Variants in EDC4 observed in about 807,000 individuals in gnomAD.
EDC4 encodes enhancer of mRNA-decapping protein 4.
In EDC4, 64 loss-of-function variants were observed where a neutral mutation model predicts 155.8. The ratio of observed to expected loss-of-function variants is 0.41; its 90% CI spans 0.34 to 0.51. EDC4 has a LOEUF of 0.51. EDC4 is among the 20% of genes least tolerant of loss of function. The pLI is 0.19. For missense variants in EDC4, 1,303 were observed against 1,812.5 expected, an observed-to-expected ratio of 0.72 and a Z score of 5.10; for synonymous variants, 684 against 716.8, an observed-to-expected ratio of 0.95 and a Z score of 0.73.
At position 67,882,525 on chromosome 16, in the gene EDC4, G is replaced by T; in HGVS notation, c.3373G>T (p.Ala1125Ser). The T allele has an allele frequency of 6.2e-7, 1 of 1,614,218 alleles. No individual in the cohort carries two copies. Among genetic ancestry groups the T allele is most frequent in the Non-Finnish European group, 8.5e-7 (1 of 1,180,044 alleles). Reference protein sequence around the residue: ...REAFQSVVLPAFEKSCQAMFQ... With the variant: ...REAFQSVVLPSFEKSCQAMFQ... ...AGCCTTCCAGAGTGTGGTGCTGCCG[G>T]CCTTTGAGAAGAGCTGCCAGGCCAT... The change falls in exon 25 of 29, where the codon GCC becomes TCC. Residue 1125 changes from alanine (A) to serine (S), a missense_variant. Around this residue, in one of 5 missense-constraint regions of EDC4, gnomAD observed 527 missense variants for 757.0 expected, o/e 0.70. Transcript: ENST00000358933. The surrounding 1 kb of genome is among the most constrained non-coding windows in gnomAD (Gnocchi z 7.2).
Position 67,881,768 on chromosome 16 carries a change from G to T in EDC4, c.2927G>T (p.Cys976Phe). ...HSQEELLQRL[C>F]TQLEGLQSTV... ...CAGGAAGAGCTGCTGCAGCGTCTGT[G>T]TACCCAACTCGAAGGCCTGCAGAGC... Residue 976 changes from cysteine to phenylalanine, a missense_variant, in exon 22 of 29, where the codon TGT becomes TTT. This residue lies in a region of EDC4 where 527 missense variants were observed against 757.0 expected (regional missense o/e 0.70). Transcript: ENST00000358933. This position sits in a 1 kb window ranked among gnomAD's most constrained non-coding sequence, Gnocchi z 5.4. The T allele has an allele frequency of 1.2e-6, 2 of 1,614,130 alleles. No homozygotes were observed. Among genetic ancestry groups the T allele is most frequent in the Middle Eastern group, 1.6e-4 (1 of 6,062 alleles).
Position 67,881,965 on chromosome 16 carries a change from G to C in EDC4, c.3016G>C (p.Glu1006Gln), listed in dbSNP as rs1161397969. 2 of 1,607,810 alleles carry C rather than the reference G, an allele frequency of 1.2e-6. No homozygotes were observed. Among genetic ancestry groups the C allele is most frequent in the Non-Finnish European group, 1.7e-6 (2 of 1,176,994 alleles). ...TAGCTATGGCGCAGAGCGGCGGCTG[G>C]AGCGAGCACTGGCTGAGGGGCAGCA... The part of the protein sequence containing the change: ...TRHEQEQRRL[E>Q]RALAEGQQRG... The change falls in exon 23 of 29, where the codon GAG becomes CAG. Residue 1006 changes from glutamate to glutamine, a missense_variant. By Grantham distance (29) the Glu-to-Gln change is conservative. This residue lies in a region of EDC4 where 527 missense variants were observed against 757.0 expected (regional missense o/e 0.70). Transcript: ENST00000358933. The surrounding 1 kb of genome is among the most constrained non-coding windows in gnomAD (Gnocchi z 5.4).
In EDC4 at chr16:67,881,370, C is replaced by T. The variant is rs753091336; in HGVS notation, c.2742C>T (p.Ser914=). The change falls in exon 20 of 29, where the codon TCC becomes TCT. Residue 914 remains serine (S), a synonymous_variant. Coordinates refer to ENST00000358933, the MANE Select transcript of EDC4 (RefSeq NM_014329.5). This position sits in a 1 kb window ranked among gnomAD's most constrained non-coding sequence, Gnocchi z 5.4. ...LPAKDWKTKG[S]PRTSPKLKRK... Reference sequence around the variant, plus strand: ...CCAAGGACTGGAAGACCAAGGGATCCCCTCGAACCTCACCCAAGCTCAAGA... The same window carrying T: ...CCAAGGACTGGAAGACCAAGGGATCTCCTCGAACCTCACCCAAGCTCAAGA... 9.3e-6 allele frequency: 15 copies of T among 1,614,030 alleles called. No individual in the cohort carries two copies. In the Admixed American group the frequency reaches 2.5e-4, roughly 27 times the overall value.
rs749687253 is a variant in EDC4, at chr16:67,881,190, A to T, written c.2636+10A>T. 6.8e-6 allele frequency: 11 copies of T among 1,613,798 alleles called. No homozygotes were observed. The African/African-American group carries it at 1.1e-4, about 16-fold the overall frequency. Reference sequence around the variant, plus strand: ...CCAGTGCTGAGCAAAGGTGGGAGCCACTCTACACCATTGCCCTCATGGGGG... The same window carrying T: ...CCAGTGCTGAGCAAAGGTGGGAGCCTCTCTACACCATTGCCCTCATGGGGG... On this transcript the variant is annotated intron_variant, in intron 19 of 28. Coordinates refer to ENST00000358933, the MANE Select transcript of EDC4 (RefSeq NM_014329.5). This position sits in a 1 kb window ranked among gnomAD's most constrained non-coding sequence, Gnocchi z 5.4.
chr16:67,873,735 C>G (rs1021996071), intron 1 of EDC4, among the ~76,000 whole-genome samples: 1 of 152,156 alleles, frequency 6.6e-6, no homozygotes, highest in Non-Finnish European at 1.5e-5. Context: ...AAGCGCGATG[C>G]TGAAGAGCTG....
In EDC4 at chr16:67,882,271, C is replaced by T. The variant is rs756563640; in HGVS notation, c.3220C>T (p.Leu1074Phe). Residue 1074 changes from leucine (L) to phenylalanine (F), a missense_variant, in exon 24 of 29, where the codon CTC becomes TTC. By Grantham distance (22) the Leu-to-Phe change is conservative (BLOSUM62 0). This residue lies in a region of EDC4 where 527 missense variants were observed against 757.0 expected (regional missense o/e 0.70). Transcript: ENST00000358933. The surrounding 1 kb of genome is among the most constrained non-coding windows in gnomAD (Gnocchi z 7.2). ...GQLSNSVATK[L>F]TAVEGSMKEN... ...ACTGAGCAACTCAGTGGCTACCAAG[C>T]TCACAGCTGTGGAGGGCAGCATGAA... 1.7e-5 allele frequency: 27 copies of T among 1,613,272 alleles called. No individual in the cohort carries two copies. The highest frequency in any genetic ancestry group is 9.3e-5 in the African/African-American group (7 of 74,920).
At position 67,883,867 on chromosome 16, in the gene EDC4, G is replaced by C; in HGVS notation, c.4014-89G>C. ...CACCAGTCCTTTCTGCCTTCACCCA[G>C]AGGGTTCCCTCTGGGCCTCGGTGCC... On this transcript the variant is annotated intron_variant, in intron 28 of 28. Transcript: ENST00000358933. The surrounding 1 kb of genome is among the most constrained non-coding windows in gnomAD (Gnocchi z 5.3). The C allele has an allele frequency of 1.3e-6, 2 of 1,537,766 alleles. No individual in the cohort carries two copies. Among genetic ancestry groups the C allele is most frequent in the Non-Finnish European group, 1.8e-6 (2 of 1,137,946 alleles).
chr16:67,877,084 G>C lies in EDC4; in HGVS notation c.451+112G>C. On this transcript the variant is annotated intron_variant, in intron 4 of 28. Transcript: ENST00000358933. The surrounding 1 kb of genome is among the most constrained non-coding windows in gnomAD (Gnocchi z 4.9). Reference sequence around the variant, plus strand: ...GTACAATGGAAGGTTTGTCCATGCTGCCTCTTGGGGAGCTGGGTGGGAAAA... The same window carrying C: ...GTACAATGGAAGGTTTGTCCATGCTCCCTCTTGGGGAGCTGGGTGGGAAAA... 6.5e-7 allele frequency: 1 copy of C among 1,541,142 alleles called. No individual in the cohort carries two copies. The highest frequency in any genetic ancestry group is 8.8e-7 in the Non-Finnish European group (1 of 1,142,240).
In EDC4 at chr16:67,877,387, C is replaced by G; in HGVS notation, c.622C>G (p.Leu208Val). Residue 208 changes from leucine to valine, a missense_variant, in exon 5 of 29, where the codon CTG becomes GTG. Leu to Val is a conservative substitution (Grantham distance 32). Transcript: ENST00000358933. The surrounding 1 kb of genome is among the most constrained non-coding windows in gnomAD (Gnocchi z 4.9). ...AGNLFVWRLALVNGKIQEEIL... is the reference protein window; with the variant it reads ...AGNLFVWRLAVVNGKIQEEIL... The stretch of plus-strand genomic sequence containing the variant: ...CAACCTGTTCGTGTGGCGCTTGGCT[C>G]TGGTTAATGGCAAAATTCAGTATCC... 6.2e-7 allele frequency: 1 copy of G among 1,613,480 alleles called. No individual in the cohort carries two copies. The highest frequency in any genetic ancestry group is 1.1e-5 in the South Asian group (1 of 91,072).
Position 67,881,726 on chromosome 16 carries a change from C to CAGAGCTGCGGCACAGCCAGGA in EDC4, c.2894_2914dup (p.Arg965_Leu971dup). 6.2e-7 allele frequency: 1 copy of CAGAGCTGCGGCACAGCCAGGA among 1,614,064 alleles called. No homozygotes were observed. The highest frequency in any genetic ancestry group is 8.5e-7 in the Non-Finnish European group (1 of 1,179,980). On this transcript the variant is annotated inframe_insertion, in exon 22 of 29. Coordinates refer to ENST00000358933, the MANE Select transcript of EDC4 (RefSeq NM_014329.5). This position sits in a 1 kb window ranked among gnomAD's most constrained non-coding sequence, Gnocchi z 5.4. The stretch of plus-strand genomic sequence containing the variant: ...ATTTGGCAACAGCAGAGAGAGCTGG[C>CAGAGCTGCGGCACAGCCAGGA]AGAGCTGCGGCACAGCCAGGAAGAG...
At position 67,877,575 on chromosome 16, in the gene EDC4, C is replaced by G. The variant is rs2058047075; in HGVS notation, c.708C>G (p.Ile236Met). 6.2e-7 allele frequency: 1 copy of G among 1,614,216 alleles called. No homozygotes were observed. The highest frequency in any genetic ancestry group is 2.2e-5 in the East Asian group (1 of 44,878). ...GTPLNHFRRI[I>M]WCPFIPEESE... Reference sequence around the variant, plus strand: ...CACTGAACCACTTTCGCAGGATCATCTGGTGCCCCTTCATCCCTGAGGAGA... The same window carrying G: ...CACTGAACCACTTTCGCAGGATCATGTGGTGCCCCTTCATCCCTGAGGAGA... Residue 236 changes from isoleucine to methionine, a missense_variant, in exon 6 of 29, where the codon ATC (isoleucine) becomes ATG (methionine). By Grantham distance (10) the Ile-to-Met change is conservative (BLOSUM62 1). Coordinates refer to ENST00000358933, the MANE Select transcript of EDC4 (RefSeq NM_014329.5). This position sits in a 1 kb window ranked among gnomAD's most constrained non-coding sequence, Gnocchi z 4.9.
Position 67,876,971 on chromosome 16 carries a change from G to A in EDC4, c.450G>A (p.Arg150=), listed in dbSNP as rs765820815. 9 of 1,614,064 alleles carry A rather than the reference G, an allele frequency of 5.6e-6. No homozygotes were observed. The Admixed American group carries it at 1.5e-4, about 27-fold the overall frequency. The change falls in exon 4 of 29, where the codon CGG becomes CGA. Residue 150 remains arginine (R), a splice_region_variant and synonymous_variant. Coordinates refer to ENST00000358933, the MANE Select transcript of EDC4 (RefSeq NM_014329.5). The surrounding 1 kb of genome is among the most constrained non-coding windows in gnomAD (Gnocchi z 5.8). ...VSNSFLAYAI[R]AANNGSAMVR... ...ACTCCTTCTTGGCCTATGCCATTCG[G>A]GGTGAGTAAAGACAGTGAGGAGGAA...
Position 67,873,203 on chromosome 16 carries a change from G to A in EDC4, c.-59G>A. 3 of 1,270,330 alleles carry A rather than the reference G, an allele frequency of 2.4e-6. No homozygotes were observed. The highest frequency in any genetic ancestry group is 2.0e-6 in the Non-Finnish European group (2 of 980,818). The allele number at this position is 1,270,330 out of a possible 1,614,324, so 78.7% of individuals were successfully genotyped here. A position where few individuals can be genotyped will look rare whatever the true frequency, so the allele number is the denominator to read the frequency against. On this transcript the variant is annotated 5_prime_UTR_variant, in exon 1 of 29. The change creates a new upstream start codon in the 5' untranslated region. Coordinates refer to ENST00000358933, the MANE Select transcript of EDC4 (RefSeq NM_014329.5). ...CCCCGTGGCGGGTGAGCGAGGGTGCGTGGTGCGCGGCGGCGGCGGAACGAA... is the reference window on the plus strand; with the variant it reads ...CCCCGTGGCGGGTGAGCGAGGGTGCATGGTGCGCGGCGGCGGCGGAACGAA...
In EDC4 at chr16:67,884,120, A is replaced by C; in HGVS notation, c.4178A>C (p.His1393Pro). 1 of 1,612,420 alleles carries C rather than the reference A, an allele frequency of 6.2e-7. No individual in the cohort carries two copies. Among genetic ancestry groups the C allele is most frequent in the Non-Finnish European group, 8.5e-7 (1 of 1,178,932 alleles). ...KAARRLSLML[H>P]GLVTPSLP ...GCTCGGCGTCTCAGCCTCATGCTGC[A>C]TGGCCTCGTGACCCCCAGCCTCCCT... The change falls in exon 29 of 29, where the codon CAT becomes CCT. Residue 1393 changes from histidine (H) to proline (P), a missense_variant. Around this residue, in one of 5 missense-constraint regions of EDC4, gnomAD observed 527 missense variants for 757.0 expected, o/e 0.70. Transcript: ENST00000358933. The surrounding 1 kb of genome is among the most constrained non-coding windows in gnomAD (Gnocchi z 4.1).
Position 67,878,955 on chromosome 16 carries a change from A to G in EDC4, c.1288-2A>G, listed in dbSNP as rs1265991120. ...TCAGCTAGGAACGTTCTGCCTGTGCAGGTCCTCTATGTGATGGAGCTGCTG... is the reference window on the plus strand; with the variant it reads ...TCAGCTAGGAACGTTCTGCCTGTGCGGGTCCTCTATGTGATGGAGCTGCTG... On this transcript the variant is annotated splice_acceptor_variant, in intron 11 of 28. Transcript: ENST00000358933. LOFTEE classifies it high-confidence loss of function. This position sits in a 1 kb window ranked among gnomAD's most constrained non-coding sequence, Gnocchi z 5.2. 6.2e-7 allele frequency: 1 copy of G among 1,610,330 alleles called. No homozygotes were observed. Among genetic ancestry groups the G allele is most frequent in the East Asian group, 2.2e-5 (1 of 44,800 alleles).
rs1488444319 is a variant in EDC4 at position 67,876,559 on chromosome 16, G to A, written c.311G>A (p.Ser104Asn). ...AAGGAGGTGGAGATTGTGGCTAGCA[G>A]TGACTCTAGCATTTCAAGCAAGGCC... is the stretch of plus-strand genomic sequence containing the variant. ...LAKEVEIVAS[S>N]DSSISSKARG... Residue 104 changes from serine to asparagine, a missense_variant, in exon 3 of 29, where the codon AGT becomes AAT. This residue lies in a region of EDC4 where 51 missense variants were observed against 121.1 expected (regional missense o/e 0.42). Coordinates refer to ENST00000358933, the MANE Select transcript of EDC4 (RefSeq NM_014329.5). The surrounding 1 kb of genome is among the most constrained non-coding windows in gnomAD (Gnocchi z 5.8). 6.2e-7 allele frequency: 1 copy of A among 1,614,184 alleles called. No homozygotes were observed. Among genetic ancestry groups the A allele is most frequent in the East Asian group, 2.2e-5 (1 of 44,884 alleles).
chr16:67,881,181 G>A lies in EDC4; in HGVS notation c.2636+1G>A, dbSNP rs1188278434. ...GCCAGGATGCCAGTGCTGAGCAAAG[G>A]TGGGAGCCACTCTACACCATTGCCC... is the stretch of plus-strand genomic sequence containing the variant. On this transcript the variant is annotated splice_donor_variant, in intron 19 of 28. Transcript: ENST00000358933. LOFTEE classifies it high-confidence loss of function. The surrounding 1 kb of genome is among the most constrained non-coding windows in gnomAD (Gnocchi z 5.4). 6.2e-7 allele frequency: 1 copy of A among 1,613,988 alleles called. No homozygotes were observed. Among genetic ancestry groups the A allele is most frequent in the African/African-American group, 1.3e-5 (1 of 74,914 alleles).
Position 67,878,954 on chromosome 16 carries a change from C to A in EDC4, c.1288-3C>A. On this transcript the variant is annotated splice_region_variant and splice_polypyrimidine_tract_variant and intron_variant, in intron 11 of 28. Transcript: ENST00000358933. This position sits in a 1 kb window ranked among gnomAD's most constrained non-coding sequence, Gnocchi z 5.2. ...CTCAGCTAGGAACGTTCTGCCTGTGCAGGTCCTCTATGTGATGGAGCTGCT... is the reference window on the plus strand; with the variant it reads ...CTCAGCTAGGAACGTTCTGCCTGTGAAGGTCCTCTATGTGATGGAGCTGCT... 1 of 1,609,998 alleles carries A rather than the reference C, an allele frequency of 6.2e-7. No individual in the cohort carries two copies.
chr16:67,882,563 C>A lies in EDC4; in HGVS notation c.3411C>A (p.Ile1137=). 1 of 1,614,228 alleles carries A rather than the reference C, an allele frequency of 6.2e-7. No homozygotes were observed. The highest frequency in any genetic ancestry group is 8.5e-7 in the Non-Finnish European group (1 of 1,180,034). Reference sequence around the variant, plus strand: ...GCTGCCAGGCCATGTTCCAGCAAATCAATGATAGCTTCCGGCTGGGGACAC... The same window carrying A: ...GCTGCCAGGCCATGTTCCAGCAAATAAATGATAGCTTCCGGCTGGGGACAC... ...EKSCQAMFQQ[I]NDSFRLGTQE... Residue 1137 remains isoleucine (I), a synonymous_variant, in exon 25 of 29, where the codon ATC becomes ATA. Coordinates refer to ENST00000358933, the MANE Select transcript of EDC4 (RefSeq NM_014329.5). This position sits in a 1 kb window ranked among gnomAD's most constrained non-coding sequence, Gnocchi z 7.2.
Sources: gnomAD v4.1 joint callset for allele counts (sites outside exome capture counted in the v4.1 genomes callset) on GRCh38, gnomAD v4.1.1 for gene constraint, gnomAD v4.1.1 regional missense constraint, Gnocchi (gnomAD v3.1) non-coding constraint, MANE v1.5 for transcripts, NCBI Gene and HGNC (gene_info 2026-07-23, HGNC 2026-07-21) for gene names.